Variants in KIAA1958 observed in about 807,000 individuals in gnomAD.
KIAA1958 encodes the protein uncharacterized protein KIAA1958.
Under a neutral mutation model 47.2 loss-of-function variants are expected in KIAA1958, and 14 were observed. The ratio of observed to expected loss-of-function variants is 0.30; its 90% confidence interval spans 0.20 to 0.46. The LOEUF (loss-of-function observed/expected upper bound fraction) is 0.46, where lower values mean the gene tolerates loss of function less well. Ranked by LOEUF, KIAA1958 falls within the 20% of genes least tolerant of loss-of-function variation. KIAA1958 has a pLI of 1.00. For synonymous variants in KIAA1958, 354 were observed against 353.3 expected, an observed-to-expected ratio of 1.00 and a Z score of -0.02; for missense variants, 803 against 909.2, an observed-to-expected ratio of 0.88 and a Z score of 1.50.
At chr9:112,609,352 C>G (rs1045802666) in intron 2 of KIAA1958, among the ~76,000 whole-genome samples, 3 of 152,052 alleles carry the variant, frequency 2.0e-5, no homozygotes, top group Non-Finnish European at 2.9e-5. Context: ...ACTAACAAAG[C>G]TAATTCTAAT....
intron 2 of KIAA1958, among the ~76,000 whole-genome samples, chr9:112,624,381 T>G (rs1353859157): frequency 6.6e-6 from 1 of 152,194 alleles, no homozygotes; most frequent in Non-Finnish European, 1.5e-5. Flanking sequence ...TTGGATCTGG[T>G]TAACATGATA....
At chr9:112,658,116 C>T (rs1285547565) in intron 3 of KIAA1958, among the ~76,000 whole-genome samples, 1 of 152,216 alleles carries the variant, frequency 6.6e-6, no homozygotes, top group Non-Finnish European at 1.5e-5. Flanking sequence ...CTTGGCCTCT[C>T]TAAGTGTTGG....
At chr9:112,651,965 CAAGT>C (rs1190163424) in intron 3 of KIAA1958, among the ~76,000 whole-genome samples, 1 of 152,168 alleles carries the variant, frequency 6.6e-6, no homozygotes, top group African/African-American at 2.4e-5. Context: ...AAAATATGCT[CAAGT>C]GATTCTCCCA....
At chr9:112,515,298 CG>C (rs1834403154) in intron 1 of KIAA1958, among the ~76,000 whole-genome samples, 1 of 125,694 alleles carries the variant, frequency 8.0e-6, no homozygotes. Flanking sequence ...CCGCCCCGTC[CG>C]GGAGGTGAGG....
At chr9:112,488,866 G>T (rs1228225473) in intron 1 of KIAA1958, among the ~76,000 whole-genome samples, 1 of 152,054 alleles carries the variant, frequency 6.6e-6, no homozygotes, top group African/African-American at 2.4e-5. Flanking sequence ...CTAGATTCTT[G>T]TCCCAGTTAA....
intron 2 of KIAA1958, among the ~76,000 whole-genome samples, chr9:112,589,980 T>C (rs1835890809): frequency 6.6e-6 from 1 of 152,194 alleles, no homozygotes; most frequent in Non-Finnish European, 1.5e-5. Context: ...CACCCTCTCT[T>C]ACCAGTTGTC....
chr9:112,547,891 T>C (rs901751164), intron 1 of KIAA1958, among the ~76,000 whole-genome samples: 1 of 152,156 alleles, frequency 6.6e-6, no homozygotes, highest in African/African-American at 2.4e-5. Flanking sequence ...TATAAAAACC[T>C]TGGGCTTCAG....
intron 2 of KIAA1958, among the ~76,000 whole-genome samples, chr9:112,624,184 T>A (rs1195454793): frequency 6.6e-6 from 1 of 152,192 alleles, no homozygotes; most frequent in African/African-American, 2.4e-5. Context: ...CTGAAAGAAT[T>A]AGCAAGTTCT....
chr9:112,515,294 C>G (rs1361077118), intron 1 of KIAA1958, among the ~76,000 whole-genome samples: 2 of 119,206 alleles, frequency 1.7e-5, no homozygotes, highest in South Asian at 3.0e-4. Context: ...CCAGCCGCCC[C>G]GTCCGGGAGG....
intron 2 of KIAA1958, among the ~76,000 whole-genome samples, chr9:112,582,972 A>G (rs945010676): frequency 2.0e-5 from 3 of 152,222 alleles, no homozygotes; most frequent in African/African-American, 7.2e-5. Flanking sequence ...AGGCTCCACA[A>G]AATCAGAATC....
At chr9:112,520,216 ATATTACTGC>A (rs1320090736) in intron 1 of KIAA1958, among the ~76,000 whole-genome samples, 5 of 152,252 alleles carry the variant, frequency 3.3e-5, no homozygotes. Context: ...TGCTATCTGC[ATATTACTGC>A]TAACGAAATC....
chr9:112,576,286 A>C (rs1835644043), intron 2 of KIAA1958, among the ~76,000 whole-genome samples: 1 of 152,194 alleles, frequency 6.6e-6, no homozygotes, highest in Non-Finnish European at 1.5e-5. Flanking sequence ...CACTGAAAAT[A>C]TTTATATCCT....
At chr9:112,611,576 G>A (rs958191269) in intron 2 of KIAA1958, among the ~76,000 whole-genome samples, 6 of 151,758 alleles carry the variant, frequency 4.0e-5, no homozygotes, top group African/African-American at 1.5e-4. Flanking sequence ...AGCTGTTTGG[G>A]AGATGCAGAA....
intron 2 of KIAA1958, among the ~76,000 whole-genome samples, chr9:112,606,180 T>A (rs146891483): frequency 6.6e-4 from 100 of 152,266 alleles, no homozygotes; most frequent in African/African-American, 2.3e-3. Context: ...CTTCAGCACC[T>A]GGGTAGGTGG....
intron 1 of KIAA1958, among the ~76,000 whole-genome samples, chr9:112,524,829 G>T (rs187053343): frequency 6.6e-6 from 1 of 152,140 alleles, no homozygotes; most frequent in Admixed American, 6.5e-5. Flanking sequence ...TGGAATCCTG[G>T]GGTTGCTGGT....
intron 1 of KIAA1958, among the ~76,000 whole-genome samples, chr9:112,565,614 A>G (rs963311991): frequency 1.3e-5 from 2 of 152,254 alleles, no homozygotes; most frequent in Non-Finnish European, 2.9e-5. Context: ...AATTTAAAAA[A>G]TACCTTGATT....
chr9:112,535,210 A>G (rs898572136), intron 1 of KIAA1958, among the ~76,000 whole-genome samples: 1 of 152,170 alleles, frequency 6.6e-6, no homozygotes, highest in Non-Finnish European at 1.5e-5. Flanking sequence ...TCTGACTGAA[A>G]TTTTATATCC....
intron 1 of KIAA1958, among the ~76,000 whole-genome samples, chr9:112,559,809 T>C (rs756463840): frequency 3.3e-5 from 5 of 152,180 alleles, no homozygotes; most frequent in Non-Finnish European, 7.3e-5. Context: ...CTTCTTTGAG[T>C]GGGCTGTAAA....
intron 2 of KIAA1958, among the ~76,000 whole-genome samples, chr9:112,585,806 A>G (rs1835814266): frequency 1.3e-5 from 2 of 152,222 alleles, no homozygotes; most frequent in South Asian, 4.1e-4. Context: ...CACTATTTTA[A>G]GTAATACTGA....
Sources: gnomAD v4.1 joint callset for allele counts (sites outside exome capture counted in the v4.1 genomes callset) on GRCh38, gnomAD v4.1.1 for gene constraint, MANE v1.5 for transcripts, NCBI Gene and HGNC (gene_info 2026-07-23, HGNC 2026-07-21) for gene names.